MICU3: variants seen among roughly 807,000 people sequenced by gnomAD.
The protein encoded by MICU3 is mitochondrial calcium uptake 3.
A neutral mutation model predicts 66.5 loss-of-function variants in MICU3; 62 were observed. The ratio of observed to expected loss-of-function variants is 0.93; its 90% CI spans 0.76 to 1.15. The LOEUF (loss-of-function observed/expected upper bound fraction) is 1.15, where lower values mean the gene tolerates loss of function less well. MICU3 is among the 50% of genes most tolerant of loss of function. MICU3 has a pLI of 0.00. For synonymous variants in MICU3, 308 were observed against 240.7 expected, an observed-to-expected ratio of 1.28 and a Z score of -2.59; for missense variants, 779 against 664.4, an observed-to-expected ratio of 1.17 and a Z score of -1.90.
chr8:17,048,000 A>G (rs777641259), intron 1 of MICU3, among the ~76,000 whole-genome samples: 19 of 152,220 alleles, frequency 1.2e-4, no homozygotes, highest in Non-Finnish European at 1.5e-5. Context: ...CTGATACGCA[A>G]GATAGTGGGC....
chr8:17,068,541 C>A (rs1819066980), intron 2 of MICU3, among the ~76,000 whole-genome samples: 1 of 152,044 alleles, frequency 6.6e-6, no homozygotes, highest in African/African-American at 2.4e-5. Context: ...GTCTTTGCAC[C>A]AGTGTCATAG....
At chr8:17,133,325 T>A in the MICU3 span, among the ~76,000 whole-genome samples, 1 of 152,198 alleles carries the variant, frequency 6.6e-6, no homozygotes, top group East Asian at 1.9e-4. Flanking sequence ...TTATTGACAT[T>A]TTTTGCTAAC....
intron 3 of MICU3, among the ~76,000 whole-genome samples, chr8:17,072,517 T>G (rs543245484): frequency 6.6e-6 from 1 of 151,900 alleles, no homozygotes; most frequent in Non-Finnish European, 1.5e-5. Context: ...TTTACTAAAC[T>G]AAATATTTGA....
chr8:17,096,098 T>G (rs1800656181), intron 8 of MICU3, among the ~76,000 whole-genome samples: 1 of 151,940 alleles, frequency 6.6e-6, no homozygotes, highest in Non-Finnish European at 1.5e-5. Context: ...AAGGGGCCAG[T>G]AGCTCAGATA....
Position 17,121,803 on chromosome 8 carries a change from T to G in MICU3, c.*1516T>G, listed in dbSNP as rs577774268. 1.4e-4 allele frequency: 21 copies of G among 152,110 alleles called. No individual in the cohort carries two copies. Among genetic ancestry groups the G allele is most frequent in the African/African-American group, 4.8e-4 (20 of 41,538 alleles). The allele number at this position is 152,110 out of a possible 1,614,324, so 9.4% of individuals were successfully genotyped here. A position where few individuals can be genotyped will look rare whatever the true frequency, so the allele number is the denominator to read the frequency against. ...TTTATGACAGTAATTTTAAAATATA[T>G]TATTCATAAGTTCAAGGATCCCATA... On this transcript the variant is annotated 3_prime_UTR_variant, in exon 15 of 15. Transcript: ENST00000318063.
Position 17,065,943 on chromosome 8 carries a change from G to T in MICU3, c.535+1706G>T, listed in dbSNP as rs558522663. Among the ~76,000 whole-genome samples the T allele has an allele frequency of 2.0e-5, 3 of 152,110 alleles. No individual in the cohort carries two copies. In the South Asian group the frequency reaches 6.2e-4, roughly 32 times the overall value. On this transcript the variant is annotated intron_variant, in intron 2 of 14. Transcript: ENST00000318063. ...TTTAACAAGAAACTATGAGAGTAAC[G>T]TTTAAAGAAATGTAAACTACATAAG...
At chr8:17,090,175 C>T (rs1354052335) in intron 7 of MICU3, among the ~76,000 whole-genome samples, 3 of 152,070 alleles carry the variant, frequency 2.0e-5, no homozygotes, top group Non-Finnish European at 4.4e-5. Flanking sequence ...CATACCATTT[C>T]CACTGCCTTG....
the MICU3 span, among the ~76,000 whole-genome samples, chr8:17,137,372 A>G: frequency 5.3e-5 from 8 of 152,058 alleles, no homozygotes; most frequent in Middle Eastern, 3.4e-3. Flanking sequence ...TGAGAACATC[A>G]TATTAATAAT....
chr8:17,137,241 G>T, the MICU3 span, among the ~76,000 whole-genome samples: 1 of 151,976 alleles, frequency 6.6e-6, no homozygotes, highest in Admixed American at 6.6e-5. Flanking sequence ...GTGCCATGAG[G>T]TATGAATTAT....
intron 1 of MICU3, among the ~76,000 whole-genome samples, chr8:17,035,131 T>G (rs1458745954): frequency 6.6e-6 from 1 of 152,228 alleles, no homozygotes; most frequent in African/African-American, 2.4e-5. Context: ...GAGGTGACTC[T>G]GCTCCTCTTT....
the MICU3 span, among the ~76,000 whole-genome samples, chr8:17,128,261 C>G: frequency 1.3e-5 from 2 of 151,324 alleles, no homozygotes; most frequent in South Asian, 4.2e-4. Flanking sequence ...CACACACACA[C>G]ACACACACCA....
intron 7 of MICU3, among the ~76,000 whole-genome samples, chr8:17,089,757 G>A (rs957056111): frequency 3.9e-5 from 6 of 151,920 alleles, no homozygotes; most frequent in Non-Finnish European, 8.8e-5. Context: ...TGGTATGGAG[G>A]TTAAAGCACA....
intron 1 of MICU3, among the ~76,000 whole-genome samples, chr8:17,035,026 A>G (rs1171470532): frequency 6.6e-6 from 1 of 152,180 alleles, no homozygotes; most frequent in Non-Finnish European, 1.5e-5. Flanking sequence ...GGTTTTTCCC[A>G]CGCTGTCATC....
chr8:17,027,398 G>T lies in MICU3; in HGVS notation c.119G>T (p.Gly40Val), dbSNP rs550558198. 1.4e-6 allele frequency: 2 copies of T among 1,435,248 alleles called. No homozygotes were observed. The highest frequency in any genetic ancestry group is 1.8e-6 in the Non-Finnish European group (2 of 1,102,868). The allele number at this position is 1,435,248 out of a possible 1,614,324, so 88.9% of individuals were successfully genotyped here. A position where few individuals can be genotyped will look rare whatever the true frequency, so the allele number is the denominator to read the frequency against. Residue 40 changes from glycine (G) to valine (V), a missense_variant, in exon 1 of 15, where the codon GGC (glycine) becomes GTC (valine). Coordinates refer to ENST00000318063, the MANE Select transcript of MICU3 (RefSeq NM_181723.3). ...GCGGTGACCACCCTGGGCCTTCCTG[G>T]CCGGCCCTTCTCCTCCCGAGAGGAT... Reference protein sequence around the residue: ...RPAVTTLGLPGRPFSSREDEE... With the variant: ...RPAVTTLGLPVRPFSSREDEE...
chr8:17,118,812 A>G (rs761893453), intron 14 of MICU3, 37 bp downstream of exon 14: 3 of 1,191,802 alleles, frequency 2.5e-6, no homozygotes, highest in South Asian at 1.3e-5. Context: ...TTGTTCAGTA[A>G]CAATAGGGAT....
intron 3 of MICU3, among the ~76,000 whole-genome samples, chr8:17,070,760 C>G (rs1819461616): frequency 6.6e-6 from 1 of 151,888 alleles, no homozygotes; most frequent in Non-Finnish European, 1.5e-5. Flanking sequence ...GAGACATTGT[C>G]TTTAAAGTTA....
At chr8:17,138,573 C>T in the MICU3 span, among the ~76,000 whole-genome samples, 13 of 152,096 alleles carry the variant, frequency 8.5e-5, no homozygotes, top group African/African-American at 2.7e-4. Flanking sequence ...CCTCACTTTT[C>T]GGTAATATAC....
chr8:17,122,903 A>G (rs1056559773), downstream of MICU3, among the ~76,000 whole-genome samples: 4 of 152,026 alleles, frequency 2.6e-5, no homozygotes, highest in African/African-American at 9.6e-5. Flanking sequence ...AACTTTTCAG[A>G]AAGTTTATAT....
At chr8:17,081,868 A>G (rs1311041037) in intron 5 of MICU3, 128 bp downstream of exon 5, 1 of 572,186 alleles carries the variant, frequency 1.7e-6, no homozygotes, top group Non-Finnish European at 3.2e-6. Context: ...TTCATGTTTA[A>G]TGCTACAGAA....
Sources: allele counts gnomAD v4.1 joint callset (sites outside exome capture counted in the v4.1 genomes callset), GRCh38; gene constraint gnomAD v4.1.1; transcripts MANE v1.5; gene names NCBI Gene and HGNC (gene_info 2026-07-23, HGNC 2026-07-21).